ANKS3: variants seen among roughly 807,000 people sequenced by gnomAD.
The protein encoded by ANKS3 is ankyrin repeat and sterile alpha motif domain containing 3, also known as ankyrin repeat and SAM domain-containing protein 3.
Under a neutral mutation model 80.7 loss-of-function variants are expected in ANKS3, and 62 were observed. That is an observed-to-expected ratio of 0.77 (90% CI 0.63 to 0.95). The LOEUF is 0.95. Among genes scored for constraint, ANKS3 ranks in the 40% least tolerant of loss-of-function variants. The pLI is 0.00. For synonymous variants in ANKS3, 489 were observed against 355.3 expected, an observed-to-expected ratio of 1.38 and a Z score of -4.23; for missense variants, 1,150 against 883.6, an observed-to-expected ratio of 1.30 and a Z score of -3.82.
intron 10 of ANKS3, 108 bp from the exon 11 acceptor site, chr16:4,701,242 C>T (rs1032190855): frequency 1.2e-5 from 18 of 1,526,002 alleles, no homozygotes; most frequent in Middle Eastern, 2.2e-4. Flanking sequence ...AAACCCCCCA[C>T]CCGCCACACA....
chr16:4,727,178 C>A lies in ANKS3; in HGVS notation c.171-1G>T. On this transcript the variant is annotated splice_acceptor_variant, in intron 3 of 17. Transcript: ENST00000304283. LOFTEE classifies it high-confidence loss of function. ...CTTCTTATTCAAATCTAACTCTCTC[C>A]TAAACAAACGCAAGATATGCTAGAC... 6.2e-7 allele frequency: 1 copy of A among 1,613,936 alleles called. No homozygotes were observed. The highest frequency in any genetic ancestry group is 8.5e-7 in the Non-Finnish European group (1 of 1,180,018).
intron 6 of ANKS3, among the ~76,000 whole-genome samples, chr16:4,719,495 C>G (rs1380849942): frequency 1.3e-5 from 2 of 151,932 alleles, no homozygotes; most frequent in Non-Finnish European, 2.9e-5. Context: ...TTCATGTCAG[C>G]AGGATTATCT....
rs183529749 is a variant in ANKS3 at position 4,718,653 on chromosome 16, G to A, written c.574-4467C>T. On this transcript the variant is annotated intron_variant, in intron 6 of 17. Transcript: ENST00000304283. ...CTAACTACTGGGCGGCAGGAAAAAC[G>A]TGGGAGAGAGGAGCTTCCAGGCAGG... Among the ~76,000 whole-genome samples, 794 of 152,342 alleles carry A rather than the reference G, an allele frequency of 5.2e-3. 4 individuals are homozygous for A. Among genetic ancestry groups the A allele is most frequent in the Middle Eastern group, 0.01 (3 of 294 alleles).
At chr16:4,722,384 T>G (rs148521583) in intron 6 of ANKS3, among the ~76,000 whole-genome samples, 2,653 of 149,430 alleles carry the variant, frequency 0.018, 43 homozygotes, top group Non-Finnish European at 0.024. Flanking sequence ...ATCGAGACCA[T>G]CCTGGCTAAC....
intron 6 of ANKS3, among the ~76,000 whole-genome samples, chr16:4,721,751 G>A (rs2081113326): frequency 6.6e-6 from 1 of 151,020 alleles, no homozygotes; most frequent in African/African-American, 2.4e-5. Context: ...TGATTCTCCT[G>A]TCTCAGCCTC....
At chr16:4,706,235 T>C (rs1267216005) in intron 7 of ANKS3, among the ~76,000 whole-genome samples, 2 of 152,014 alleles carry the variant, frequency 1.3e-5, no homozygotes, top group African/African-American at 4.8e-5. Flanking sequence ...TCTTTTTTTT[T>C]TCTTTATTTT....
At chr16:4,702,365 C>G (rs962613531) in intron 8 of ANKS3, 123 bp from the exon 9 acceptor site, 18 of 1,027,518 alleles carry the variant, frequency 1.8e-5, no homozygotes, top group Non-Finnish European at 2.4e-5. Context: ...CCCCTGCGAC[C>G]TGGCATGGCT....
intron 2 of ANKS3, 38 bp downstream of exon 2, chr16:4,731,474 T>A: frequency 5.2e-6 from 1 of 192,932 alleles, no homozygotes; most frequent in Non-Finnish European, 9.5e-6. Flanking sequence ...GAGACGGGGG[T>A]TTCACCATGT....
intron 5 of ANKS3, among the ~76,000 whole-genome samples, chr16:4,725,785 G>A (rs1173324307): frequency 2.0e-5 from 3 of 152,028 alleles, no homozygotes; most frequent in South Asian, 2.1e-4. Flanking sequence ...TCAGACTCCC[G>A]AGTAGCTGGG....
At chr16:4,698,752 A>G in intron 13 of ANKS3, 48 bp downstream of exon 13, 2 of 1,559,382 alleles carry the variant, frequency 1.3e-6, no homozygotes, top group Non-Finnish European at 1.7e-6. Context: ...AGATGGAGCC[A>G]ACTCACGGGT....
rs368614116 is a variant in ANKS3 at position 4,697,008 on chromosome 16, G to A, written c.*11+9C>T. ...CCACCACGCGGGATCCAGGCTGGCAGACACTCACCGGCCCGCAGGCTAGGT... is the reference window on the plus strand; with the variant it reads ...CCACCACGCGGGATCCAGGCTGGCAAACACTCACCGGCCCGCAGGCTAGGT... On this transcript the variant is annotated intron_variant, in intron 17 of 17. Coordinates refer to ENST00000304283, the MANE Select transcript of ANKS3 (RefSeq NM_133450.4). 2 of 1,611,420 alleles carry A rather than the reference G, an allele frequency of 1.2e-6. No homozygotes were observed. The highest frequency in any genetic ancestry group is 1.7e-5 in the Admixed American group (1 of 59,808).
chr16:4,730,138 G>A lies in ANKS3; in HGVS notation c.12C>T (p.Leu4=). MSE[L]SDEASEPELL... ...GTTCCGGCTCGCTGGCTTCATCGCT[G>A]AGCTCGGACATCACTGAGGAGGAAG... The change falls in exon 3 of 18, where the codon CTC becomes CTT. Residue 4 remains leucine (L), a synonymous_variant. Transcript: ENST00000304283. 5 of 1,570,280 alleles carry A rather than the reference G, an allele frequency of 3.2e-6. No individual in the cohort carries two copies. Among genetic ancestry groups the A allele is most frequent in the Non-Finnish European group, 4.3e-6 (5 of 1,154,064 alleles).
At chr16:4,715,961 A>C (rs1175409577) in intron 6 of ANKS3, among the ~76,000 whole-genome samples, 1 of 152,146 alleles carries the variant, frequency 6.6e-6, no homozygotes, top group East Asian at 1.9e-4. Flanking sequence ...TTAATGAGCT[A>C]CGTGAGAGCA....
rs1011203251 is a variant in ANKS3, at chr16:4,726,880, G to A, written c.369+99C>T. 8.9e-5 allele frequency: 143 copies of A among 1,598,450 alleles called. 1 individual carries two copies. The South Asian group carries it at 1.2e-3, about 13-fold the overall frequency. On this transcript the variant is annotated intron_variant, in intron 4 of 17. Transcript: ENST00000304283. ...CTGCAAGAATCAGAAGTGATTACAC[G>A]AGCACACACGAACACCGTGGCCTGC...
rs1231965050 is a variant in ANKS3, at chr16:4,701,502, TG to T, written c.1050del (p.Ser350ArgfsTer42). 6.2e-7 allele frequency: 1 copy of T among 1,612,214 alleles called. No individual in the cohort carries two copies. ...CTGGCCAGGCCCTCGCTGCTGCTGC[TG>T]CTCTGGACGGGCCCCAGGTTGGCAC... ...AFCANLGPVQ[S>X]SSSSEGLARA... On this transcript the variant is annotated frameshift_variant, in exon 10 of 18. Transcript: ENST00000304283. LOFTEE classifies it high-confidence loss of function.
chr16:4,699,311 C>G, intron 11 of ANKS3, 135 bp from the exon 12 acceptor site: 2 of 1,253,948 alleles, frequency 1.6e-6, no homozygotes, highest in South Asian at 2.9e-5. Context: ...CCCAGGCTGT[C>G]CCCTCCTACT....
intron 5 of ANKS3, among the ~76,000 whole-genome samples, chr16:4,725,828 T>C (rs1049919145): frequency 1.3e-5 from 2 of 151,690 alleles, no homozygotes; most frequent in South Asian, 4.2e-4. Context: ...CCCAGCTAAT[T>C]TTTGTATTTT....
At chr16:4,720,880 T>A (rs1354972960) in intron 6 of ANKS3, among the ~76,000 whole-genome samples, 1 of 148,092 alleles carries the variant, frequency 6.8e-6, no homozygotes, top group East Asian at 2.0e-4. Context: ...GAGGTTGCAA[T>A]GAGCCGAGAT....
At chr16:4,703,418 C>G (rs2080022466) in intron 8 of ANKS3, among the ~76,000 whole-genome samples, 1 of 135,890 alleles carries the variant, frequency 7.4e-6, no homozygotes, top group Non-Finnish European at 1.6e-5. Context: ...CCTGGCCCCC[C>G]CAATTTTTTT....
Sources: allele counts gnomAD v4.1 joint callset (sites outside exome capture counted in the v4.1 genomes callset), GRCh38; gene constraint gnomAD v4.1.1; transcripts MANE v1.5; gene names NCBI Gene and HGNC (gene_info 2026-07-23, HGNC 2026-07-21).